The following PROS1 variants were observed in gnomAD, a reference collection of about 807,000 sequenced individuals.
PROS1 encodes the protein protein S.
Under a neutral mutation model 75.9 loss-of-function variants are expected in PROS1, and 29 were observed. The ratio of observed to expected loss-of-function variants is 0.38; its 90% confidence interval spans 0.28 to 0.52. The LOEUF (loss-of-function observed/expected upper bound fraction) is 0.52, where lower values mean the gene tolerates loss of function less well. Among genes scored for constraint, PROS1 ranks in the 20% least tolerant of loss-of-function variants. The pLI, the probability that PROS1 is intolerant of heterozygous loss-of-function variation, is 0.83. For synonymous variants in PROS1, 245 were observed against 280.6 expected (o/e 0.87, Z 1.27); for missense variants, 680 against 810.3 (o/e 0.84, Z 1.95).
At chr3:93,930,904 G>C (rs1239635929) in intron 1 of PROS1, among the ~76,000 whole-genome samples, 1 of 151,978 alleles carries the variant, frequency 6.6e-6, no homozygotes, top group Non-Finnish European at 1.5e-5. Flanking sequence ...CAAAAATCAG[G>C]AAGTTTTATT....
intron 1 of PROS1, among the ~76,000 whole-genome samples, chr3:93,944,547 G>C (rs1261635892): frequency 6.6e-6 from 1 of 152,138 alleles, no homozygotes; most frequent in Admixed American, 6.5e-5. Context: ...ACCTGCTCCT[G>C]AATGACTACT....
In PROS1 at chr3:93,906,097, A is replaced by G. The variant is rs775583347; in HGVS notation, c.393T>C (p.Tyr131=). ...CSPLPCNEDG[Y]MSCKDGKASF... The stretch of plus-strand genomic sequence containing the variant: ...AAGCTTTTCCATCTTTGCAGCTCAT[A>G]TATCCATCTTCATTGCATGGCAGAG... The change falls in exon 5 of 15, where the codon TAT becomes TAC. Residue 131 remains tyrosine (Y), a synonymous_variant. Transcript: ENST00000394236. The G allele has an allele frequency of 1.2e-6, 2 of 1,614,096 alleles. No homozygotes were observed. Among genetic ancestry groups the G allele is most frequent in the Admixed American group, 3.3e-5 (2 of 60,018 alleles).
At chr3:93,928,778 A>G (rs1709064692) in intron 1 of PROS1, 4 of 1,281,256 alleles carry the variant, frequency 3.1e-6, no homozygotes, top group South Asian at 2.5e-5. Context: ...ATATAAAATC[A>G]TTTCTAAAAT....
At chr3:93,940,426 G>A (rs372696390) in intron 1 of PROS1, among the ~76,000 whole-genome samples, 11 of 152,176 alleles carry the variant, frequency 7.2e-5, no homozygotes, top group South Asian at 2.1e-4. Flanking sequence ...TTTCAAGGGC[G>A]TGTTTCCCTT....
At chr3:93,937,367 GAT>G (rs1491470419) in intron 1 of PROS1, among the ~76,000 whole-genome samples, 1 of 102,004 alleles carries the variant, frequency 9.8e-6, no homozygotes, top group Non-Finnish European at 2.0e-5. Context: ...GTCATGAGTT[GAT>G]TTTTTTTTTT....
chr3:93,876,885 T>G (rs982409679), intron 14 of PROS1, 81 bp downstream of exon 14: 59 of 957,010 alleles, frequency 6.2e-5, no homozygotes, highest in Non-Finnish European at 1.7e-5. Flanking sequence ...CTGATGCTTT[T>G]TTACTATAAT....
At chr3:93,918,238 T>C (rs1379386911) in intron 3 of PROS1, among the ~76,000 whole-genome samples, 2 of 152,086 alleles carry the variant, frequency 1.3e-5, no homozygotes, top group Non-Finnish European at 2.9e-5. Flanking sequence ...AGAAACTTTG[T>C]GTCTAGCTCA....
At chr3:93,971,583 T>C (rs1329975367) in intron 1 of PROS1, among the ~76,000 whole-genome samples, 2 of 150,038 alleles carry the variant, frequency 1.3e-5, no homozygotes, top group South Asian at 2.1e-4. Flanking sequence ...CTAGGCAATA[T>C]GGCAAAACAC....
intron 6 of PROS1, among the ~76,000 whole-genome samples, chr3:93,901,659 A>G (rs1363799837): frequency 1.3e-5 from 2 of 152,212 alleles, no homozygotes; most frequent in African/African-American, 2.4e-5. Flanking sequence ...TTCTATTCTA[A>G]AAGTTGACAG....
intron 9 of PROS1, among the ~76,000 whole-genome samples, chr3:93,896,022 G>A (rs1275771422): frequency 6.6e-6 from 1 of 151,978 alleles, no homozygotes; most frequent in Non-Finnish European, 1.5e-5. Flanking sequence ...ATAAAAATAA[G>A]TGGAATCATG....
intron 1 of PROS1, among the ~76,000 whole-genome samples, chr3:93,952,584 T>C (rs890374996): frequency 2.6e-5 from 4 of 152,186 alleles, no homozygotes; most frequent in Admixed American, 1.3e-4. Context: ...AAGCAGTGTG[T>C]AGAGGGAAAT....
rs1451502834 is a variant in PROS1 at position 93,931,916 on chromosome 3, C to G, written c.77-4509G>C. Among the ~76,000 whole-genome samples the G allele has an allele frequency of 1.2e-4, 18 of 152,320 alleles. 1 individual carries two copies. The East Asian group carries it at 3.3e-3, about 28-fold the overall frequency. On this transcript the variant is annotated intron_variant, in intron 1 of 14. Transcript: ENST00000394236. ...TGTGGTTGTGCAGTGGATAAGGTCA[C>G]TATCTTAAATAATTAGCTGTCCTTT...
At chr3:93,896,751 A>C (rs1708507744) in intron 8 of PROS1, 60 bp from the exon 9 acceptor site, 1 of 1,270,720 alleles carries the variant, frequency 7.9e-7, no homozygotes, top group East Asian at 2.3e-5. Flanking sequence ...TTATTGCTTA[A>C]TGTTTGTGTG....
At chr3:93,900,159 T>C (rs1211021752) in intron 7 of PROS1, among the ~76,000 whole-genome samples, 1 of 152,190 alleles carries the variant, frequency 6.6e-6, no homozygotes, top group Non-Finnish European at 1.5e-5. Flanking sequence ...AACTATAATA[T>C]GTTGAAGCTT....
At chr3:93,950,727 C>G (rs767022208) in intron 1 of PROS1, among the ~76,000 whole-genome samples, 4 of 152,170 alleles carry the variant, frequency 2.6e-5, no homozygotes, top group African/African-American at 4.8e-5. Flanking sequence ...CCACAAAGAT[C>G]GGGAGAAACC....
intron 1 of PROS1, among the ~76,000 whole-genome samples, chr3:93,966,234 A>C (rs1246991704): frequency 1.3e-5 from 2 of 152,152 alleles, no homozygotes; most frequent in African/African-American, 4.8e-5. Flanking sequence ...CTTTGCCTAC[A>C]ATGAGAAATT....
chr3:93,960,026 G>T (rs908845738), intron 1 of PROS1, among the ~76,000 whole-genome samples: 10 of 152,030 alleles, frequency 6.6e-5, no homozygotes, highest in Admixed American at 2.0e-4. Flanking sequence ...AGGTTAAATA[G>T]GCAATAAGTA....
At chr3:93,903,726 GAAGT>G in intron 6 of PROS1, among the ~76,000 whole-genome samples, 1 of 151,974 alleles carries the variant, frequency 6.6e-6, no homozygotes, top group Non-Finnish European at 1.5e-5. Context: ...TTTAAGCGTA[GAAGT>G]AAGAATGGGT....
chr3:93,917,929 G>A (rs1708883830), intron 3 of PROS1, among the ~76,000 whole-genome samples: 1 of 152,136 alleles, frequency 6.6e-6, no homozygotes, highest in South Asian at 2.1e-4. Context: ...CTGCTCCAGG[G>A]CGCCCAGTCC....
Sources: gnomAD v4.1 joint callset for allele counts (sites outside exome capture counted in the v4.1 genomes callset) on GRCh38, gnomAD v4.1.1 for gene constraint, MANE v1.5 for transcripts, NCBI Gene and HGNC (gene_info 2026-07-23, HGNC 2026-07-21) for gene names.